The following PTPRN2 variants were observed in gnomAD, a reference collection of about 807,000 sequenced individuals.
The protein encoded by PTPRN2 is receptor-type tyrosine-protein phosphatase N2.
Under a neutral mutation model 118.8 loss-of-function variants are expected in PTPRN2, and 74 were observed. The observed-to-expected ratio is 0.62, with a 90% CI of 0.52 to 0.76. The LOEUF is 0.76. Ranked by LOEUF, PTPRN2 falls within the 30% of genes least tolerant of loss-of-function variation. The pLI, the probability that PTPRN2 is intolerant of heterozygous loss-of-function variation, is 0.00. For synonymous variants in PTPRN2, 641 were observed against 608.0 expected, an observed-to-expected ratio of 1.05 and a Z score of -0.80; for missense variants, 1,481 against 1,394.4, an observed-to-expected ratio of 1.06 and a Z score of -0.99.
chr7:158,148,573 T>G (rs10264141), intron 6 of PTPRN2, among the ~76,000 whole-genome samples: 6 of 4,766 alleles, frequency 1.3e-3, no homozygotes, highest in Admixed American at 5.2e-3. Flanking sequence ...TCACGCCACA[T>G]GTCTTTCCCC....
intron 12 of PTPRN2, among the ~76,000 whole-genome samples, chr7:157,773,209 C>G (rs945808774): frequency 6.6e-6 from 1 of 152,178 alleles, no homozygotes; most frequent in Non-Finnish European, 1.5e-5. Context: ...TTTTCTGACC[C>G]CTCTCTCTTC....
At chr7:158,070,093 A>G (rs1385718906) in intron 11 of PTPRN2, among the ~76,000 whole-genome samples, 1 of 152,238 alleles carries the variant, frequency 6.6e-6, no homozygotes, top group Non-Finnish European at 1.5e-5. Context: ...ACATCCAGGC[A>G]GGGCTGGAGA....
At chr7:158,207,382 A>C (rs1827240194) in intron 3 of PTPRN2, among the ~76,000 whole-genome samples, 1 of 152,136 alleles carries the variant, frequency 6.6e-6, no homozygotes, top group Non-Finnish European at 1.5e-5. Flanking sequence ...AGGAATCGCC[A>C]CACTGACTTC....
Position 157,632,535 on chromosome 7 carries a change from C to T in PTPRN2, c.2197-11026G>A, listed in dbSNP as rs998200072. On this transcript the variant is annotated intron_variant, in intron 14 of 22. Transcript: ENST00000389418. This position sits in a 1 kb window ranked among gnomAD's most constrained non-coding sequence, Gnocchi z 4.3. ...TAGGGGAAAGTCTTGTTCTTTCATACGATTGATGGATTGTTTTACGTTGGG... is the reference window on the plus strand; with the variant it reads ...TAGGGGAAAGTCTTGTTCTTTCATATGATTGATGGATTGTTTTACGTTGGG... Among the ~76,000 whole-genome samples, 18 of 152,114 alleles carry T rather than the reference C, an allele frequency of 1.2e-4. No homozygotes were observed. Among genetic ancestry groups the T allele is most frequent in the Non-Finnish European group, 5.9e-5 (4 of 68,030 alleles).
chr7:158,435,191 C>T (rs868810351), intron 2 of PTPRN2, among the ~76,000 whole-genome samples: 1 of 152,088 alleles, frequency 6.6e-6, no homozygotes, highest in African/African-American at 2.4e-5. Flanking sequence ...ACTTGCAAAT[C>T]GTATAACTTT....
At chr7:157,822,673 C>T (rs1241368593) in intron 12 of PTPRN2, among the ~76,000 whole-genome samples, 1 of 152,080 alleles carries the variant, frequency 6.6e-6, no homozygotes, top group East Asian at 1.9e-4. Context: ...ATGCATCCAT[C>T]TACACACTAT....
intron 12 of PTPRN2, among the ~76,000 whole-genome samples, chr7:157,829,684 C>T (rs187802888): frequency 5.0e-4 from 76 of 152,348 alleles, no homozygotes; most frequent in African/African-American, 1.8e-3. Flanking sequence ...GACCGTGCAC[C>T]CACCTGCTGA....
intron 2 of PTPRN2, among the ~76,000 whole-genome samples, chr7:158,479,296 G>A (rs562518291): frequency 2.6e-5 from 4 of 152,146 alleles, no homozygotes; most frequent in East Asian, 1.9e-4. Context: ...CAGCCTGGAC[G>A]TTGCTGCAAG....
chr7:158,341,662 C>G (rs1806835243), intron 2 of PTPRN2, among the ~76,000 whole-genome samples: 1 of 114,128 alleles, frequency 8.8e-6, no homozygotes, highest in Non-Finnish European at 1.8e-5. Context: ...CACACCCACA[C>G]TCTCACCATA....
chr7:158,372,308 AC>A (rs1810095529), intron 2 of PTPRN2, among the ~76,000 whole-genome samples: 1 of 82,398 alleles, frequency 1.2e-5, no homozygotes, highest in African/African-American at 4.4e-5. Flanking sequence ...GGTCCCCCCA[AC>A]GCTGGTCCCC....
At chr7:158,538,783 C>T (rs1269034753) in intron 1 of PTPRN2, among the ~76,000 whole-genome samples, 4 of 152,214 alleles carry the variant, frequency 2.6e-5, no homozygotes, top group African/African-American at 9.6e-5. Context: ...CTGCCTCGTG[C>T]AGGGCCCTGA....
At chr7:157,637,609 G>A (rs1179817772) in intron 14 of PTPRN2, among the ~76,000 whole-genome samples, 1 of 152,152 alleles carries the variant, frequency 6.6e-6, no homozygotes, top group Non-Finnish European at 1.5e-5. Flanking sequence ...AAGCCCATAT[G>A]GCCAAAACGG....
At chr7:158,082,009 A>G (rs72621123) in intron 10 of PTPRN2, among the ~76,000 whole-genome samples, 6,308 of 152,282 alleles carry the variant, frequency 0.041, 201 homozygotes, top group East Asian at 0.18. Flanking sequence ...CCATCTCAAA[A>G]TGAATTAGGA....
At chr7:157,762,704 C>T (rs112255164) in intron 12 of PTPRN2, among the ~76,000 whole-genome samples, 11,331 of 151,538 alleles carry the variant, frequency 0.075, 518 homozygotes, top group African/African-American at 0.12. Flanking sequence ...TGTAACTAAC[C>T]TGCACAATGT....
At chr7:158,001,237 C>T (rs1189025733) in intron 11 of PTPRN2, among the ~76,000 whole-genome samples, 1 of 149,904 alleles carries the variant, frequency 6.7e-6, no homozygotes, top group African/African-American at 2.5e-5. Context: ...GGGATCTGGC[C>T]GTAGGTGGGG....
At chr7:158,539,585 C>T in intron 1 of PTPRN2, 1 of 190,578 alleles carries the variant, frequency 5.2e-6, no homozygotes, top group Non-Finnish European at 1.1e-5. Flanking sequence ...CAGATGAGAG[C>T]AGGCACTTCT....
chr7:157,581,849 T>G (rs890796670), intron 17 of PTPRN2, among the ~76,000 whole-genome samples: 5 of 152,186 alleles, frequency 3.3e-5, no homozygotes, highest in African/African-American at 1.2e-4. Flanking sequence ...CCAACGTGAC[T>G]GTGTCTTTAG....
intron 3 of PTPRN2, among the ~76,000 whole-genome samples, chr7:158,267,311 C>T (rs1019053999): frequency 1.1e-4 from 15 of 141,412 alleles, no homozygotes; most frequent in East Asian, 8.0e-4. Context: ...CTGGTTCCCG[C>T]GGGGAACCCC....
At chr7:158,124,049 C>T (rs1817411651) in intron 9 of PTPRN2, among the ~76,000 whole-genome samples, 1 of 152,220 alleles carries the variant, frequency 6.6e-6, no homozygotes, top group African/African-American at 2.4e-5. Flanking sequence ...CCCGTGCCGA[C>T]ATGGACCACC....
Sources: gnomAD v4.1 joint callset for allele counts (sites outside exome capture counted in the v4.1 genomes callset) on GRCh38, gnomAD v4.1.1 for gene constraint, Gnocchi (gnomAD v3.1) non-coding constraint, MANE v1.5 for transcripts, NCBI Gene and HGNC (gene_info 2026-07-23, HGNC 2026-07-21) for gene names.